The following MAN1A2 variants were observed in gnomAD, a reference collection of about 807,000 sequenced individuals.
The protein encoded by MAN1A2 is mannosidase alpha class 1A member 2, also known as mannosyl-oligosaccharide 1,2-alpha-mannosidase IB.
A neutral mutation model predicts 75.7 loss-of-function variants in MAN1A2; 26 were observed. The ratio of observed to expected loss-of-function variants is 0.34; its 90% CI spans 0.25 to 0.48. The LOEUF is 0.48. Ranked by LOEUF, MAN1A2 falls within the 20% of genes least tolerant of loss-of-function variation. The pLI, the probability that MAN1A2 is intolerant of heterozygous loss-of-function variation, is 0.99. For synonymous variants in MAN1A2, 247 were observed against 264.6 expected (o/e 0.93, Z 0.65); for missense variants, 562 against 775.5 (o/e 0.72, Z 3.27).
chr1:117,443,756 A>T (rs1649119067), intron 6 of MAN1A2, among the ~76,000 whole-genome samples: 1 of 152,092 alleles, frequency 6.6e-6, no homozygotes, highest in South Asian at 2.1e-4. Flanking sequence ...GAATGTAATT[A>T]TTTACCTATT....
intron 5 of MAN1A2, among the ~76,000 whole-genome samples, chr1:117,437,091 G>A (rs1044915491): frequency 6.6e-6 from 1 of 152,134 alleles, no homozygotes; most frequent in South Asian, 2.1e-4. Context: ...AAGGGTACTC[G>A]TGCTCTCTCA....
intron 4 of MAN1A2, among the ~76,000 whole-genome samples, chr1:117,416,521 A>C (rs1195983876): frequency 1.3e-5 from 2 of 152,218 alleles, no homozygotes; most frequent in Admixed American, 1.3e-4. Context: ...ATAATGGCTA[A>C]TAATTCCCTT....
intron 5 of MAN1A2, among the ~76,000 whole-genome samples, chr1:117,437,825 T>C (rs962334129): frequency 6.6e-6 from 1 of 152,192 alleles, no homozygotes; most frequent in East Asian, 1.9e-4. Flanking sequence ...TTAAAGCCCT[T>C]GTATATTAAT....
rs1223050727 is a variant in MAN1A2 at position 117,454,155 on chromosome 1, A to G, written c.951-6334A>G. On this transcript the variant is annotated intron_variant, in intron 6 of 12. Transcript: ENST00000356554. ...ACTGAGATACGAAAAAGTTTGTGTG[A>G]CTCATTTTGTTGCAATATTTGCTTT... 2.0e-5 allele frequency among the ~76,000 whole-genome samples: 3 copies of G among 152,178 alleles called. No homozygotes were observed. The East Asian group carries it at 5.8e-4, about 29-fold the overall frequency.
chr1:117,454,731 T>G (rs1241741426), intron 6 of MAN1A2, among the ~76,000 whole-genome samples: 1 of 152,230 alleles, frequency 6.6e-6, no homozygotes, highest in African/African-American at 2.4e-5. Flanking sequence ...TGTTTTGGTC[T>G]TTGTTTAAAG....
chr1:117,501,700 G>T (rs1189424563), intron 11 of MAN1A2, among the ~76,000 whole-genome samples: 3 of 151,672 alleles, frequency 2.0e-5, no homozygotes, highest in African/African-American at 4.8e-5. Flanking sequence ...CTTAAATTTA[G>T]TTATAATCAA....
chr1:117,428,750 T>C (rs1253671916), intron 5 of MAN1A2, among the ~76,000 whole-genome samples: 1 of 150,130 alleles, frequency 6.7e-6, no homozygotes, highest in Non-Finnish European at 1.5e-5. Flanking sequence ...TACTTCAAGA[T>C]GAAAAGTATT....
At chr1:117,501,599 G>A (rs773336745) in intron 11 of MAN1A2, among the ~76,000 whole-genome samples, 3 of 151,760 alleles carry the variant, frequency 2.0e-5, no homozygotes, top group African/African-American at 7.2e-5. Context: ...TCATGTGGTG[G>A]TGAAGACACA....
chr1:117,488,979 A>G (rs1650796286), intron 8 of MAN1A2, among the ~76,000 whole-genome samples: 1 of 152,110 alleles, frequency 6.6e-6, no homozygotes, highest in Non-Finnish European at 1.5e-5. Flanking sequence ...ATTCTTTAAA[A>G]ACACATTTTG....
intron 5 of MAN1A2, among the ~76,000 whole-genome samples, chr1:117,441,917 T>A (rs1308665217): frequency 6.6e-6 from 1 of 152,218 alleles, no homozygotes; most frequent in Non-Finnish European, 1.5e-5. Flanking sequence ...TTACCTTGGA[T>A]GAAAAGTCCA....
intron 1 of MAN1A2, among the ~76,000 whole-genome samples, chr1:117,389,563 G>T (rs972543806): frequency 6.6e-6 from 1 of 152,160 alleles, no homozygotes; most frequent in Non-Finnish European, 1.5e-5. Flanking sequence ...TGGCCTGGGG[G>T]TTGGGGATCA....
chr1:117,502,326 T>G (rs1460286757), intron 11 of MAN1A2, among the ~76,000 whole-genome samples: 2 of 151,732 alleles, frequency 1.3e-5, no homozygotes, highest in African/African-American at 2.4e-5. Flanking sequence ...TGGTACCACC[T>G]GTAATGGCTA....
At chr1:117,520,346 G>A (rs1651837044) in intron 12 of MAN1A2, among the ~76,000 whole-genome samples, 1 of 151,706 alleles carries the variant, frequency 6.6e-6, no homozygotes, top group African/African-American at 2.4e-5. Flanking sequence ...AGAAAGAAAG[G>A]GCATCCAAAT....
intron 8 of MAN1A2, among the ~76,000 whole-genome samples, chr1:117,471,674 T>A (rs576744275): frequency 6.6e-6 from 1 of 151,878 alleles, no homozygotes; most frequent in Admixed American, 6.6e-5. Flanking sequence ...TGTTTGTATA[T>A]TTTGTTTTTA....
chr1:117,499,586 A>G (rs756395830), intron 11 of MAN1A2, 32 bp downstream of exon 11: 11 of 1,549,154 alleles, frequency 7.1e-6, no homozygotes, highest in Admixed American at 5.5e-5. Flanking sequence ...TTTATCTGCA[A>G]GAGTGTTAAC....
intron 8 of MAN1A2, among the ~76,000 whole-genome samples, chr1:117,486,477 C>A (rs1650704366): frequency 6.6e-6 from 1 of 151,902 alleles, no homozygotes; most frequent in African/African-American, 2.4e-5. Context: ...AGGAGACAGA[C>A]AATTCTATAA....
chr1:117,374,871 GA>G (rs1296871641), intron 1 of MAN1A2, among the ~76,000 whole-genome samples: 2 of 152,014 alleles, frequency 1.3e-5, no homozygotes, highest in African/African-American at 2.4e-5. Context: ...TATTCTAAAG[GA>G]ATTAGTGTCT....
rs140860748 is a variant in MAN1A2 at position 117,450,623 on chromosome 1, G to A, written c.950+8298G>A. On this transcript the variant is annotated intron_variant, in intron 6 of 12. Coordinates refer to ENST00000356554, the MANE Select transcript of MAN1A2 (RefSeq NM_006699.5). ...AGGCCTAGGAGGAAAAAGTGGTTTCGTGGGCCAGGCCCAGGGTCCCCTTGT... is the reference window on the plus strand; with the variant it reads ...AGGCCTAGGAGGAAAAAGTGGTTTCATGGGCCAGGCCCAGGGTCCCCTTGT... 1.4e-3 allele frequency among the ~76,000 whole-genome samples: 207 copies of A among 152,280 alleles called. 1 individual carries two copies. The highest frequency in any genetic ancestry group is 4.4e-3 in the East Asian group (23 of 5,180).
At chr1:117,500,801 A>C (rs1189468670) in intron 11 of MAN1A2, among the ~76,000 whole-genome samples, 1 of 151,840 alleles carries the variant, frequency 6.6e-6, no homozygotes, top group Non-Finnish European at 1.5e-5. Flanking sequence ...TTGAGAAGAC[A>C]GCCAAACTAT....
Sources: allele counts gnomAD v4.1 joint callset (sites outside exome capture counted in the v4.1 genomes callset), GRCh38; gene constraint gnomAD v4.1.1; transcripts MANE v1.5; gene names NCBI Gene and HGNC (gene_info 2026-07-23, HGNC 2026-07-21).